The following BRSK2 variants were observed in gnomAD, a reference collection of about 807,000 sequenced individuals.
The protein encoded by BRSK2 is serine/threonine-protein kinase BRSK2.
In BRSK2, 19 loss-of-function variants were observed where a neutral mutation model predicts 83.3. That is an observed-to-expected ratio of 0.23 (90% CI 0.16 to 0.33). BRSK2 has a LOEUF of 0.33. BRSK2 is among the 10% of genes least tolerant of loss of function. The pLI, the probability that BRSK2 is intolerant of heterozygous loss-of-function variation, is 1.00. For missense variants in BRSK2, 798 were observed against 1,042.3 expected (o/e 0.77, Z 3.23); for synonymous variants, 519 against 435.4 (o/e 1.19, Z -2.39).
In BRSK2 at chr11:1,454,080, C is replaced by T. The variant is rs1301858227; in HGVS notation, c.1545-405C>T. ...TCCTGTTGGAAGCGAGTTGCAGGCC[C>T]CGCCTGCTCCTGGGGGTGGGGGGCA... On this transcript the variant is annotated intron_variant, in intron 15 of 19. Coordinates refer to ENST00000528841, the MANE Select transcript of BRSK2 (RefSeq NM_001256627.2). The surrounding 1 kb of genome is among the most constrained non-coding windows in gnomAD (Gnocchi z 5.2). 5 of 165,482 alleles carry T rather than the reference C, an allele frequency of 3.0e-5. No homozygotes were observed. The highest frequency in any genetic ancestry group is 6.5e-5 in the Non-Finnish European group (5 of 77,176). The allele number at this position is 165,482 out of a possible 1,614,324, so 10.3% of individuals were successfully genotyped here.
At position 1,456,395 on chromosome 11, in the gene BRSK2, C is replaced by G. The variant is rs758270569; in HGVS notation, c.1716C>G (p.Ala572=). Residue 572 remains alanine, a synonymous_variant, in exon 17 of 20, where the codon GCC becomes GCG. Coordinates refer to ENST00000528841, the MANE Select transcript of BRSK2 (RefSeq NM_001256627.2). ...HSVISQTSFR[A]EYKATGGPAV... ...TCATCTCCCAAACGAGCTTCCGGGC[C>G]GAGTACAAGGCCACGGGGGGGCCAG... 1.2e-6 allele frequency: 2 copies of G among 1,600,996 alleles called. No homozygotes were observed. The highest frequency in any genetic ancestry group is 2.2e-5 in the South Asian group (2 of 89,044).
intron 14 of BRSK2, 46 bp downstream of exon 14, chr11:1,450,840 G>T: frequency 2.0e-6 from 3 of 1,526,572 alleles, no homozygotes; most frequent in East Asian, 2.4e-5. Flanking sequence ...GGAGAGAGCA[G>T]AGGCTGCCTT....
chr11:1,445,735 C>T, intron 11 of BRSK2, 22 bp from the exon 12 acceptor site: 5 of 1,610,956 alleles, frequency 3.1e-6, no homozygotes, highest in African/African-American at 2.7e-5. Flanking sequence ...GGCTGTCTGG[C>T]CTGACCTTCG....
intron 4 of BRSK2, 61 bp downstream of exon 4, chr11:1,440,989 A>G: frequency 7.2e-7 from 1 of 1,395,704 alleles, no homozygotes; most frequent in South Asian, 1.2e-5. Context: ...GTGCGCTACC[A>G]CAGATGCCCC....
rs758154989 is a variant in BRSK2, at chr11:1,456,589, C to T, written c.1850-9C>T. 5 of 1,609,654 alleles carry T rather than the reference C, an allele frequency of 3.1e-6. No individual in the cohort carries two copies. In the Admixed American group the frequency reaches 8.4e-5, roughly 27 times the overall value. ...GCCCGTCCAGGGCATAACCCCCTGT[C>T]TCCCCTAGGCCCCAGCCGTCGCTTC... On this transcript the variant is annotated splice_polypyrimidine_tract_variant and intron_variant, in intron 17 of 19. Coordinates refer to ENST00000528841, the MANE Select transcript of BRSK2 (RefSeq NM_001256627.2).
chr11:1,450,504 T>C, intron 13 of BRSK2, 83 bp from the exon 14 acceptor site: 1 of 672,602 alleles, frequency 1.5e-6, no homozygotes. Flanking sequence ...GCACCACCCC[T>C]GGGCCCGCCT....
At chr11:1,451,067 C>T (rs530051462) in intron 14 of BRSK2, among the ~76,000 whole-genome samples, 131 of 152,354 alleles carry the variant, frequency 8.6e-4, no homozygotes, top group Middle Eastern at 3.4e-3. Context: ...AGCTGGCCAC[C>T]GAGGGGGCAC....
intron 1 of BRSK2, among the ~76,000 whole-genome samples, chr11:1,419,523 T>C (rs890058043): frequency 1.3e-5 from 2 of 152,262 alleles, no homozygotes; most frequent in African/African-American, 2.4e-5. Context: ...CTTAGAGCTT[T>C]TTTTTGTTTC....
chr11:1,412,603 C>G (rs1022521335), intron 1 of BRSK2, among the ~76,000 whole-genome samples: 21 of 152,178 alleles, frequency 1.4e-4, no homozygotes, highest in Non-Finnish European at 2.4e-4. Context: ...TCAGAAAATG[C>G]GAGACAGGGT....
intron 19 of BRSK2, among the ~76,000 whole-genome samples, chr11:1,460,075 G>A (rs567494130): frequency 1.6e-3 from 249 of 151,616 alleles, no homozygotes; most frequent in Non-Finnish European, 3.0e-3. Context: ...CGGCCCTCAC[G>A]GCTGCAAGGT....
In BRSK2 at chr11:1,454,154, G is replaced by C. The variant is rs566057224; in HGVS notation, c.1545-331G>C. On this transcript the variant is annotated intron_variant, in intron 15 of 19. Coordinates refer to ENST00000528841, the MANE Select transcript of BRSK2 (RefSeq NM_001256627.2). This position sits in a 1 kb window ranked among gnomAD's most constrained non-coding sequence, Gnocchi z 5.2. ...TGAGCCACCTCTCACAGCGGCCTTGGTGAGGGGGGGCTCACCTGTGGGGGG... is the reference window on the plus strand; with the variant it reads ...TGAGCCACCTCTCACAGCGGCCTTGCTGAGGGGGGGCTCACCTGTGGGGGG... 346 of 116,120 alleles carry C rather than the reference G, an allele frequency of 3.0e-3. 1 individual carries two copies. Among genetic ancestry groups the C allele is most frequent in the African/African-American group, 0.017 (330 of 19,340 alleles). The allele number at this position is 116,120 out of a possible 1,614,324, so 7.2% of individuals were successfully genotyped here.
intron 2 of BRSK2, among the ~76,000 whole-genome samples, chr11:1,436,592 G>A (rs978870008): frequency 2.0e-5 from 3 of 152,022 alleles, no homozygotes; most frequent in African/African-American, 7.2e-5. Context: ...ATGGAGACCA[G>A]GCAGGCCCCC....
At chr11:1,404,106 C>T (rs1482734881) in intron 1 of BRSK2, among the ~76,000 whole-genome samples, 8 of 152,226 alleles carry the variant, frequency 5.3e-5, no homozygotes, top group Admixed American at 2.0e-4. Flanking sequence ...CCAGCACCCT[C>T]TCCACTGTCC....
chr11:1,455,620 G>A (rs1846414848), intron 16 of BRSK2, among the ~76,000 whole-genome samples: 1 of 152,024 alleles, frequency 6.6e-6, no homozygotes, highest in African/African-American at 2.4e-5. Context: ...GACTGCACTT[G>A]GACCCTGGCC....
At chr11:1,393,501 G>A (rs1301269554) in intron 1 of BRSK2, among the ~76,000 whole-genome samples, 7 of 152,310 alleles carry the variant, frequency 4.6e-5, no homozygotes, top group South Asian at 2.1e-4. Flanking sequence ...GCGAGGGAAC[G>A]AAGGAGCTAG....
intron 9 of BRSK2, 124 bp downstream of exon 9, chr11:1,445,126 T>C: frequency 6.8e-7 from 1 of 1,481,076 alleles, no homozygotes; most frequent in Admixed American, 1.7e-5. Flanking sequence ...TGGCCCTCCG[T>C]GGCCTGCGCT....
At position 1,450,797 on chromosome 11, in the gene BRSK2, G is replaced by A; in HGVS notation, c.1495+3G>A. 11 of 1,590,580 alleles carry A rather than the reference G, an allele frequency of 6.9e-6. No homozygotes were observed. Among genetic ancestry groups the A allele is most frequent in the Non-Finnish European group, 9.4e-6 (11 of 1,171,902 alleles). On this transcript the variant is annotated splice_donor_region_variant and intron_variant, in intron 14 of 19. Transcript: ENST00000528841. The stretch of plus-strand genomic sequence containing the variant: ...CTTCCACCGCCGGAAACTGCAAGGT[G>A]AGTGTCTGCCCGGAGGCGCCAGAGT...
At chr11:1,419,450 T>G (rs927203006) in intron 1 of BRSK2, among the ~76,000 whole-genome samples, 5 of 152,236 alleles carry the variant, frequency 3.3e-5, no homozygotes, top group African/African-American at 9.6e-5. Flanking sequence ...TGCTGGGAAT[T>G]TTCTCATTTT....
rs374861632 is a variant in BRSK2 at position 1,436,095 on chromosome 11, C to T, written c.147C>T (p.Ile49=). ...CVTCQKVAIK[I]VNREKLSESV... ...CCTGCCAGAAGGTGGCCATCAAGATCGTCAACCGTGAGAAGCTCAGCGAGT... is the reference window on the plus strand; with the variant it reads ...CCTGCCAGAAGGTGGCCATCAAGATTGTCAACCGTGAGAAGCTCAGCGAGT... Residue 49 remains isoleucine (I), a synonymous_variant, in exon 2 of 20, where the codon ATC becomes ATT. Coordinates refer to ENST00000528841, the MANE Select transcript of BRSK2 (RefSeq NM_001256627.2). 1.3e-5 allele frequency: 21 copies of T among 1,601,506 alleles called. No homozygotes were observed. The highest frequency in any genetic ancestry group is 6.8e-5 in the East Asian group (3 of 44,066).
Sources: gnomAD v4.1 joint callset for allele counts (sites outside exome capture counted in the v4.1 genomes callset) on GRCh38, gnomAD v4.1.1 for gene constraint, Gnocchi (gnomAD v3.1) non-coding constraint, MANE v1.5 for transcripts, NCBI Gene and HGNC (gene_info 2026-07-23, HGNC 2026-07-21) for gene names.